Variants in GIGYF2 observed in about 807,000 individuals in gnomAD.
GIGYF2 encodes GRB10-interacting GYF protein 2.
GIGYF2 carries 25 observed loss-of-function variants against 208.1 expected under a neutral mutation model. The ratio of observed to expected loss-of-function variants is 0.12; its 90% CI spans 0.09 to 0.17. The LOEUF is 0.17. Among genes scored for constraint, GIGYF2 ranks in the 10% least tolerant of loss-of-function variants. GIGYF2 has a pLI of 1.00. For synonymous variants in GIGYF2, 534 were observed against 543.8 expected, an observed-to-expected ratio of 0.98 and a Z score of 0.25; for missense variants, 1,302 against 1,579.4, an observed-to-expected ratio of 0.82 and a Z score of 2.98.
chr2:232,753,220 T>G (rs1698401830), intron 5 of GIGYF2, among the ~76,000 whole-genome samples: 2 of 151,942 alleles, frequency 1.3e-5, no homozygotes, highest in Non-Finnish European at 2.9e-5. Flanking sequence ...GCTTCTCGGG[T>G]TCAAGTAATT....
At chr2:232,730,246 T>C (rs372801195) in intron 2 of GIGYF2, 33 of 899,586 alleles carry the variant, frequency 3.7e-5, no homozygotes, top group East Asian at 9.8e-5. Context: ...AGAGCTCAAG[T>C]TGTGGGCACC....
At chr2:232,804,941 C>G (rs994494931) in intron 14 of GIGYF2, among the ~76,000 whole-genome samples, 1 of 150,658 alleles carries the variant, frequency 6.6e-6, no homozygotes, top group Non-Finnish European at 1.5e-5. Context: ...TAGCTTGATT[C>G]TTGGTGGTCA....
intron 21 of GIGYF2, among the ~76,000 whole-genome samples, chr2:232,832,284 T>A (rs1701443821): frequency 6.6e-6 from 1 of 151,928 alleles, no homozygotes; most frequent in Non-Finnish European, 1.5e-5. Flanking sequence ...CAGGGCACAA[T>A]GGAATGGTTT....
chr2:232,792,565 A>C (rs1452631708), intron 12 of GIGYF2, among the ~76,000 whole-genome samples: 1 of 152,066 alleles, frequency 6.6e-6, no homozygotes, highest in East Asian at 1.9e-4. Flanking sequence ...TAGCAATAGC[A>C]AGACCCCTGT....
chr2:232,749,501 GTGTGTGTGTGTC>G (rs1698262083), intron 5 of GIGYF2, among the ~76,000 whole-genome samples: 1 of 152,062 alleles, frequency 6.6e-6, no homozygotes, highest in African/African-American at 2.4e-5. Context: ...ACCAATGTGT[GTGTGTGTGTGTC>G]TGTGTGTGTG....
At chr2:232,766,883 G>A (rs1273213971) in intron 8 of GIGYF2, 2 of 152,170 alleles carry the variant, frequency 1.3e-5, no homozygotes, top group African/African-American at 2.4e-5. Context: ...ACCTGAATAA[G>A]GGAAATTTCA....
At chr2:232,717,488 T>G (rs1194229900) in intron 2 of GIGYF2, among the ~76,000 whole-genome samples, 2 of 152,308 alleles carry the variant, frequency 1.3e-5, no homozygotes, top group Non-Finnish European at 2.9e-5. Context: ...CCTTCCTGTT[T>G]AGTAGTCTCC....
intron 14 of GIGYF2, among the ~76,000 whole-genome samples, chr2:232,804,536 G>A (rs1468933325): frequency 6.6e-6 from 1 of 152,024 alleles, no homozygotes; most frequent in Admixed American, 6.5e-5. Context: ...CTGTCACCCA[G>A]GCTGGAGTGC....
Position 232,727,109 on chromosome 2 carries a change from C to T in GIGYF2, c.-43-8046C>T, listed in dbSNP as rs946341147. On this transcript the variant is annotated intron_variant, in intron 2 of 28. Coordinates refer to ENST00000373563, the MANE Select transcript of GIGYF2 (RefSeq NM_001103146.3). ...CTTCCTGAGTAACTGGGATTATAGG[C>T]GTGCACCACCACACCCAGCTAATTT... Among the ~76,000 whole-genome samples the T allele has an allele frequency of 3.9e-5, 6 of 152,126 alleles. No homozygotes were observed. In the South Asian group the frequency reaches 6.2e-4, roughly 16 times the overall value.
At chr2:232,770,895 A>G in intron 8 of GIGYF2, 1 of 1,604,752 alleles carries the variant, frequency 6.2e-7, no homozygotes, top group South Asian at 1.1e-5. Flanking sequence ...GAACAAAGAC[A>G]AAATTACCTG....
intron 2 of GIGYF2, among the ~76,000 whole-genome samples, chr2:232,723,432 C>CTTTTTTT (rs371379851): frequency 7.4e-6 from 1 of 135,110 alleles, no homozygotes; most frequent in African/African-American, 2.8e-5. Flanking sequence ...CTTTTCTTTT[C>CTTTTTTT]TTTTTTTTTT....
At chr2:232,730,139 C>T (rs554743627) in intron 2 of GIGYF2, 88 of 1,501,204 alleles carry the variant, frequency 5.9e-5, no homozygotes, top group African/African-American at 1.8e-4. Context: ...AGCTCTTGTC[C>T]GCCAGGTAAT....
chr2:232,782,933 G>A (rs1427325639), intron 8 of GIGYF2, among the ~76,000 whole-genome samples: 1 of 152,172 alleles, frequency 6.6e-6, no homozygotes, highest in Non-Finnish European at 1.5e-5. Context: ...CTAGGTGGTA[G>A]TTAAATTATA....
intron 2 of GIGYF2, among the ~76,000 whole-genome samples, chr2:232,716,554 T>C (rs1696691075): frequency 6.6e-6 from 1 of 151,900 alleles, no homozygotes. Flanking sequence ...TAATTTCTTT[T>C]TGCATTTTTA....
chr2:232,728,615 A>G (rs893342001), intron 2 of GIGYF2, among the ~76,000 whole-genome samples: 1 of 152,140 alleles, frequency 6.6e-6, no homozygotes, highest in African/African-American at 2.4e-5. Context: ...ATGGGAGAAA[A>G]AAATCAAATT....
Position 232,729,653 on chromosome 2 carries a change from C to T in GIGYF2, c.-43-5502C>T, listed in dbSNP as rs1697360810. On this transcript the variant is annotated intron_variant, in intron 2 of 28. Transcript: ENST00000373563. Reference sequence around the variant, plus strand: ...ACAACGTATTTGAAGTTTCTTAATTCTGTATCCCACTTGAACTAGTTTAGA... The same window carrying T: ...ACAACGTATTTGAAGTTTCTTAATTTTGTATCCCACTTGAACTAGTTTAGA... The T allele has an allele frequency of 3.0e-6, 3 of 992,640 alleles. No individual in the cohort carries two copies. The East Asian group carries it at 7.2e-5, about 24-fold the overall frequency. The allele number at this position is 992,640 out of a possible 1,614,324, so 61.5% of individuals were successfully genotyped here. A position where few individuals can be genotyped will look rare whatever the true frequency, so the allele number is the denominator to read the frequency against.
intron 8 of GIGYF2, among the ~76,000 whole-genome samples, chr2:232,773,509 A>T (rs375562473): frequency 3.9e-5 from 6 of 152,130 alleles, no homozygotes; most frequent in Non-Finnish European, 5.9e-5. Flanking sequence ...GTGAAATAAC[A>T]GTCTTTCCAA....
intron 2 of GIGYF2, among the ~76,000 whole-genome samples, chr2:232,723,978 C>T (rs1697069452): frequency 6.6e-6 from 1 of 150,634 alleles, no homozygotes; most frequent in Non-Finnish European, 1.5e-5. Context: ...AGGTGATACG[C>T]CTGCCTCGGC....
At chr2:232,811,472 G>C in intron 17 of GIGYF2, 121 bp downstream of exon 17, 1 of 703,082 alleles carries the variant, frequency 1.4e-6, no homozygotes, top group Non-Finnish European at 2.6e-6. Flanking sequence ...ACACATACCT[G>C]CATGTTGTAT....
Sources: allele counts gnomAD v4.1 joint callset (sites outside exome capture counted in the v4.1 genomes callset), GRCh38; gene constraint gnomAD v4.1.1; transcripts MANE v1.5; gene names NCBI Gene and HGNC (gene_info 2026-07-23, HGNC 2026-07-21).